Variants in SLCO2A1 observed in about 807,000 individuals in gnomAD.
SLCO2A1 encodes the protein solute carrier organic anion transporter family member 2A1.
A neutral mutation model predicts 71.7 loss-of-function variants in SLCO2A1; 60 were observed. The observed-to-expected ratio is 0.84, with a 90% CI of 0.68 to 1.04. The LOEUF (loss-of-function observed/expected upper bound fraction) is 1.04, where lower values mean the gene tolerates loss of function less well. Ranked by LOEUF, SLCO2A1 falls within the 50% of genes least tolerant of loss-of-function variation. The pLI is 0.00. For missense variants in SLCO2A1, 745 were observed against 813.4 expected, an observed-to-expected ratio of 0.92 and a Z score of 1.02; for synonymous variants, 308 against 326.7, an observed-to-expected ratio of 0.94 and a Z score of 0.62.
chr3:134,009,948 C>A (rs1935298010), intron 1 of SLCO2A1, among the ~76,000 whole-genome samples: 1 of 152,312 alleles, frequency 6.6e-6, no homozygotes, highest in South Asian at 2.1e-4. Context: ...ATGTCCTCCA[C>A]TATAAAATGT....
intron 1 of SLCO2A1, among the ~76,000 whole-genome samples, chr3:134,001,550 C>T (rs1381401305): frequency 2.0e-5 from 3 of 152,180 alleles, no homozygotes; most frequent in African/African-American, 7.2e-5. Context: ...GGCATTTTCT[C>T]CTCCCTTTCC....
chr3:133,942,509 G>T, intron 11 of SLCO2A1, 96 bp downstream of exon 11: 1 of 1,301,016 alleles, frequency 7.7e-7, no homozygotes, highest in South Asian at 1.5e-5. Flanking sequence ...CCACAAAAGG[G>T]GGGAGAGATG....
At chr3:133,945,620 C>T (rs1435265892) in intron 9 of SLCO2A1, among the ~76,000 whole-genome samples, 1 of 152,154 alleles carries the variant, frequency 6.6e-6, no homozygotes, top group Non-Finnish European at 1.5e-5. Flanking sequence ...CCCTCTTCTT[C>T]AGCCGAAAAA....
In SLCO2A1 at chr3:133,979,504, C is replaced by A. The variant is rs1321801053; in HGVS notation, c.211G>T (p.Gly71Cys). Residue 71 changes from glycine (G) to cysteine (C), a missense_variant, in exon 2 of 14, where the codon GGT (glycine) becomes TGT (cysteine). Physicochemically the swap from Gly to Cys is radical, Grantham distance 159. Transcript: ENST00000310926. ...KRFGLSSSSSGLISSLNEISN... is the reference protein window; with the variant it reads ...KRFGLSSSSSCLISSLNEISN... ...ACCTCATTCAAGCTGGAAATGAGAC[C>A]CGATGAAGAACTGGAGAGCCCAAAG... The A allele has an allele frequency of 6.2e-7, 1 of 1,614,174 alleles. No homozygotes were observed. Among genetic ancestry groups the A allele is most frequent in the Non-Finnish European group, 8.5e-7 (1 of 1,180,020 alleles).
At chr3:133,977,615 G>A (rs1934491554) in intron 2 of SLCO2A1, among the ~76,000 whole-genome samples, 2 of 152,184 alleles carry the variant, frequency 1.3e-5, no homozygotes. Context: ...TGTTGAGAAG[G>A]ATTCTGAGGC....
chr3:133,994,550 G>A (rs1382009584), intron 1 of SLCO2A1, among the ~76,000 whole-genome samples: 2 of 152,134 alleles, frequency 1.3e-5, no homozygotes, highest in African/African-American at 4.8e-5. Flanking sequence ...AATCCTTGTG[G>A]CAGCCCTCTT....
intron 1 of SLCO2A1, among the ~76,000 whole-genome samples, chr3:134,015,311 A>T (rs4284979): frequency 1.3e-5 from 2 of 152,142 alleles, no homozygotes; most frequent in South Asian, 2.1e-4. Context: ...TCTAGAGGAC[A>T]TTATGCTAAG....
chr3:134,028,779 C>T (rs1433277639), intron 1 of SLCO2A1, among the ~76,000 whole-genome samples: 2 of 152,244 alleles, frequency 1.3e-5, no homozygotes, highest in Non-Finnish European at 2.9e-5. Flanking sequence ...CACATCCTCA[C>T]CGCAGCAGCT....
intron 1 of SLCO2A1, among the ~76,000 whole-genome samples, chr3:133,987,131 G>GCCACC (rs1934731303): frequency 1.4e-4 from 15 of 105,028 alleles, no homozygotes; most frequent in African/African-American, 5.5e-4. Context: ...AAAATTCAAA[G>GCCACC]CCCCCCCCCC....
intron 1 of SLCO2A1, among the ~76,000 whole-genome samples, chr3:134,029,333 G>T (rs73864035): frequency 0.038 from 5,833 of 152,276 alleles, 290 homozygotes; most frequent in African/African-American, 0.099. Context: ...CCCGCTGGAG[G>T]CCGAAAAAGC....
At position 133,973,753 on chromosome 3, in the gene SLCO2A1, T is replaced by G; in HGVS notation, c.307A>C (p.Ile103Leu). Residue 103 changes from isoleucine (I) to leucine (L), a missense_variant, in exon 3 of 14, where the codon ATC becomes CTC. Ile to Leu is a conservative substitution (Grantham distance 5). Transcript: ENST00000310926. ...SRVHRPRLIGIGGLFLAAGAF... is the reference protein window; with the variant it reads ...SRVHRPRLIGLGGLFLAAGAF... ...CCTGCAGCCAGGAAGAGACCTCCGATGCCAATCAGACGTGGACGGTGCACC... is the reference window on the plus strand; with the variant it reads ...CCTGCAGCCAGGAAGAGACCTCCGAGGCCAATCAGACGTGGACGGTGCACC... 6.2e-7 allele frequency: 1 copy of G among 1,614,078 alleles called. No homozygotes were observed. The highest frequency in any genetic ancestry group is 1.1e-5 in the South Asian group (1 of 91,028).
intron 1 of SLCO2A1, among the ~76,000 whole-genome samples, chr3:134,001,703 C>A (rs1050698229): frequency 2.0e-5 from 3 of 152,126 alleles, no homozygotes; most frequent in Non-Finnish European, 4.4e-5. Flanking sequence ...GTCAATGCTA[C>A]AGAAAATACC....
Position 133,979,464 on chromosome 3 carries a change from C to A in SLCO2A1, c.234+17G>T, listed in dbSNP as rs780198417. 2.8e-5 allele frequency: 46 copies of A among 1,614,152 alleles called. No individual in the cohort carries two copies. In the African/African-American group the frequency reaches 5.7e-4, roughly 20 times the overall value. On this transcript the variant is annotated intron_variant, in intron 2 of 13. Transcript: ENST00000310926. Reference sequence around the variant, plus strand: ...GGTGCACAAGTGGAGTCTGATGGACCAGAACCTCCTGCTCACCTCATTCAA... The same window carrying A: ...GGTGCACAAGTGGAGTCTGATGGACAAGAACCTCCTGCTCACCTCATTCAA...
intron 1 of SLCO2A1, among the ~76,000 whole-genome samples, chr3:134,010,315 T>A (rs1935306323): frequency 6.6e-6 from 1 of 152,102 alleles, no homozygotes; most frequent in Non-Finnish European, 1.5e-5. Flanking sequence ...AAGTTCCACA[T>A]GACTGGGGAG....
intron 3 of SLCO2A1, among the ~76,000 whole-genome samples, chr3:133,972,186 G>T (rs886580288): frequency 1.3e-5 from 2 of 152,158 alleles, no homozygotes; most frequent in Non-Finnish European, 2.9e-5. Context: ...AGAGAGATTT[G>T]AACAACTATT....
intron 1 of SLCO2A1, among the ~76,000 whole-genome samples, chr3:133,980,678 T>C (rs1934568689): frequency 6.6e-6 from 1 of 152,256 alleles, no homozygotes; most frequent in African/African-American, 2.4e-5. Context: ...TCCACCTTCA[T>C]TTCCATTTCC....
chr3:133,957,319 G>C (rs1933922968), intron 3 of SLCO2A1, among the ~76,000 whole-genome samples: 1 of 152,214 alleles, frequency 6.6e-6, no homozygotes. Flanking sequence ...CTACCGTAGA[G>C]ATCCAAGTCC....
intron 1 of SLCO2A1, among the ~76,000 whole-genome samples, chr3:134,001,927 C>T (rs1176881847): frequency 6.6e-6 from 1 of 152,216 alleles, no homozygotes; most frequent in Non-Finnish European, 1.5e-5. Flanking sequence ...CCACAGCGAT[C>T]GCCACCCTCG....
rs137998386 is a variant in SLCO2A1 at position 133,990,515 on chromosome 3, C to T, written c.97-10897G>A. On this transcript the variant is annotated intron_variant, in intron 1 of 13. Transcript: ENST00000310926. ...TAGGCTGTCAAACCAAAAAATATAC[C>T]GAACCCTTCCTCTCCTCCCACTACA... 2.4e-3 allele frequency among the ~76,000 whole-genome samples: 369 copies of T among 152,184 alleles called. 2 individuals carry two copies. The highest frequency in any genetic ancestry group is 8.1e-3 in the African/African-American group (336 of 41,522).
Sources: gnomAD v4.1 joint callset for allele counts (sites outside exome capture counted in the v4.1 genomes callset) on GRCh38, gnomAD v4.1.1 for gene constraint, MANE v1.5 for transcripts, NCBI Gene and HGNC (gene_info 2026-07-23, HGNC 2026-07-21) for gene names.